The following TTC29 variants were observed in gnomAD, a reference collection of about 807,000 sequenced individuals.
TTC29 encodes tetratricopeptide repeat protein 29.
A neutral mutation model predicts 58.1 loss-of-function variants in TTC29; 49 were observed. That is an observed-to-expected ratio of 0.84 (90% CI 0.67 to 1.07). The LOEUF (loss-of-function observed/expected upper bound fraction) is 1.07. Among genes scored for constraint, TTC29 ranks in the 50% least tolerant of loss-of-function variants. The pLI is 0.00. For synonymous variants in TTC29, 209 were observed against 196.8 expected (o/e 1.06, Z -0.52); for missense variants, 582 against 555.6 (o/e 1.05, Z -0.48).
intron 11 of TTC29, among the ~76,000 whole-genome samples, chr4:146,778,976 C>CAAAAAAAAAAAAAAAAAAAAAAAAAAG (rs1748342762): frequency 7.0e-5 from 2 of 28,536 alleles, no homozygotes; most frequent in Non-Finnish European, 1.1e-4. Flanking sequence ...CCTAAATAAG[C>CAAAAAAAAAAAAAAAAAAAAAAAAAAG]AAAAAAAAAA....
intron 4 of TTC29, among the ~76,000 whole-genome samples, chr4:146,922,109 AC>A (rs1411423155): frequency 6.6e-6 from 1 of 151,076 alleles, no homozygotes; most frequent in Non-Finnish European, 1.5e-5. Flanking sequence ...TAAATGCAGA[AC>A]CACTATGGAA....
intron 11 of TTC29, among the ~76,000 whole-genome samples, chr4:146,788,420 T>C (rs1418269501): frequency 2.0e-5 from 3 of 152,196 alleles, no homozygotes. Context: ...AAAATGACTT[T>C]ATAACATCAG....
At chr4:146,881,028 A>C (rs1177334505) in intron 6 of TTC29, among the ~76,000 whole-genome samples, 1 of 152,152 alleles carries the variant, frequency 6.6e-6, no homozygotes, top group East Asian at 1.9e-4. Context: ...CAACGCAATA[A>C]GGGCAAAAGC....
chr4:146,831,566 C>T (rs1249325700), intron 9 of TTC29: 1 of 261,752 alleles, frequency 3.8e-6, no homozygotes, highest in African/African-American at 2.2e-5. Flanking sequence ...CATGATATAT[C>T]AAATATAGCT....
At chr4:146,742,717 C>G (rs1422929832) in intron 11 of TTC29, among the ~76,000 whole-genome samples, 1 of 127,684 alleles carries the variant, frequency 7.8e-6, no homozygotes, top group Middle Eastern at 3.7e-3. Flanking sequence ...TTCCCCTTCC[C>G]TCCCCTCCCT....
intron 11 of TTC29, among the ~76,000 whole-genome samples, chr4:146,745,610 G>A (rs544806782): frequency 5.9e-5 from 9 of 152,302 alleles, no homozygotes; most frequent in Non-Finnish European, 1.2e-4. Context: ...CTCAATAGGT[G>A]GACGGTTGCT....
intron 11 of TTC29, among the ~76,000 whole-genome samples, chr4:146,743,321 C>G (rs954273780): frequency 1.2e-4 from 18 of 152,120 alleles, no homozygotes; most frequent in African/African-American, 4.3e-4. Context: ...TTCCAGATAA[C>G]TGAAAATAAG....
intron 8 of TTC29, among the ~76,000 whole-genome samples, chr4:146,846,030 GAGGT>G (rs1729147502): frequency 6.6e-6 from 1 of 152,048 alleles, no homozygotes; most frequent in African/African-American, 2.4e-5. Context: ...GAGCCCTTGG[GAGGT>G]ACTAGTAGTA....
intron 6 of TTC29, among the ~76,000 whole-genome samples, chr4:146,900,135 A>AT (rs5862778): frequency 9.0e-4 from 137 of 152,166 alleles, no homozygotes; most frequent in African/African-American, 3.3e-3. Context: ...TTCACAGATA[A>AT]TTTTCACCCT....
chr4:146,747,732 A>G (rs1336121596), intron 11 of TTC29, among the ~76,000 whole-genome samples: 3 of 152,170 alleles, frequency 2.0e-5, no homozygotes, highest in Non-Finnish European at 4.4e-5. Context: ...CCCTACCCCT[A>G]GGGATCCAGA....
chr4:146,767,230 G>T (rs548864693), intron 11 of TTC29, among the ~76,000 whole-genome samples: 4 of 151,880 alleles, frequency 2.6e-5, no homozygotes, highest in Admixed American at 2.6e-4. Flanking sequence ...TTTAGTCCTG[G>T]TTCTACCATC....
Position 146,708,334 on chromosome 4 carries a change from A to G in TTC29, c.1331-783T>C, listed in dbSNP as rs866364886. Among the ~76,000 whole-genome samples the G allele has an allele frequency of 3.3e-3, 244 of 73,954 alleles. 9 individuals are homozygous for G. Among genetic ancestry groups the G allele is most frequent in the African/African-American group, 9.9e-3 (234 of 23,530 alleles). 48.5% of individuals were successfully genotyped at this position (73,954 alleles called of 152,430 possible). On this transcript the variant is annotated intron_variant, in intron 11 of 12. Coordinates refer to ENST00000325106, the MANE Select transcript of TTC29 (RefSeq NM_031956.4). Reference sequence around the variant, plus strand: ...TATATATATATATATATATATATATATATATATATATATATATATATACAC... The same window carrying G: ...TATATATATATATATATATATATATGTATATATATATATATATATATACAC...
intron 11 of TTC29, among the ~76,000 whole-genome samples, chr4:146,794,367 T>C (rs189533042): frequency 6.6e-6 from 1 of 152,264 alleles, no homozygotes; most frequent in East Asian, 1.9e-4. Flanking sequence ...TTTCATATTA[T>C]GATAGAAGGA....
Position 146,722,305 on chromosome 4 carries a change from G to A in TTC29, c.1331-14754C>T, listed in dbSNP as rs190974141. Among the ~76,000 whole-genome samples, 1,374 of 152,046 alleles carry A rather than the reference G, an allele frequency of 9.0e-3. 14 individuals carry two copies. Among genetic ancestry groups the A allele is most frequent in the South Asian group, 0.021 (103 of 4,822 alleles). Reference sequence around the variant, plus strand: ...CTACCAACATCATTTTTCACAAACGGATAAAAAACAATTCTAAAAATCATA... The same window carrying A: ...CTACCAACATCATTTTTCACAAACGAATAAAAAACAATTCTAAAAATCATA... On this transcript the variant is annotated intron_variant, in intron 11 of 12. Coordinates refer to ENST00000325106, the MANE Select transcript of TTC29 (RefSeq NM_031956.4).
intron 7 of TTC29, among the ~76,000 whole-genome samples, chr4:146,874,159 C>T (rs1173065431): frequency 6.6e-6 from 1 of 152,034 alleles, no homozygotes; most frequent in Non-Finnish European, 1.5e-5. Context: ...TCTTGCTAAC[C>T]TGAGGATCCT....
intron 11 of TTC29, among the ~76,000 whole-genome samples, chr4:146,765,151 T>C (rs1179061780): frequency 2.0e-5 from 3 of 152,138 alleles, no homozygotes; most frequent in Non-Finnish European, 2.9e-5. Flanking sequence ...ATTGTTGGTC[T>C]TTTATAACTT....
intron 4 of TTC29, among the ~76,000 whole-genome samples, chr4:146,926,651 C>G (rs1383370738): frequency 2.0e-5 from 3 of 151,870 alleles, no homozygotes; most frequent in African/African-American, 7.3e-5. Flanking sequence ...TTAGTAGAGA[C>G]AGGGTTTCAC....
In TTC29 at chr4:146,707,179, AC is replaced by A. The variant is rs751074050; in HGVS notation, c.1406del (p.Gly469ValfsTer39). 3.3e-6 allele frequency: 5 copies of A among 1,515,738 alleles called. No homozygotes were observed. The African/African-American group carries it at 4.2e-5, about 13-fold the overall frequency. 93.9% of individuals were successfully genotyped at this position (1,515,738 alleles called of 1,614,324 possible). On this transcript the variant is annotated frameshift_variant, in exon 13 of 13. Transcript: ENST00000325106. LOFTEE classifies it high-confidence loss of function. Reference sequence around the variant, plus strand: ...TGCTTTAAGTTTCATTTTTTTGATCACCTGGAAACCTGAAATAAAATAAATT... The same window carrying A: ...TGCTTTAAGTTTCATTTTTTTGATCACTGGAAACCTGAAATAAAATAAATT... ...ERLEELSRFP[G>X]DQKNET
intron 8 of TTC29, among the ~76,000 whole-genome samples, chr4:146,834,657 C>A (rs1728388232): frequency 1.3e-5 from 2 of 152,132 alleles, no homozygotes; most frequent in South Asian, 4.1e-4. Context: ...CCAAAGACCT[C>A]TATGGAAATC....
Sources: gnomAD v4.1 joint callset for allele counts (sites outside exome capture counted in the v4.1 genomes callset) on GRCh38, gnomAD v4.1.1 for gene constraint, MANE v1.5 for transcripts, NCBI Gene and HGNC (gene_info 2026-07-23, HGNC 2026-07-21) for gene names.